THRB: variants seen among roughly 807,000 people sequenced by gnomAD.
THRB encodes the protein thyroid hormone receptor beta.
In THRB, 12 loss-of-function variants were observed where a neutral mutation model predicts 47.8. The observed-to-expected ratio is 0.25, with a 90% CI of 0.16 to 0.41. The LOEUF (loss-of-function observed/expected upper bound fraction) is 0.41, where lower values mean the gene tolerates loss of function less well. Among genes scored for constraint, THRB ranks in the 10% least tolerant of loss-of-function variants. THRB has a pLI of 1.00. For missense variants in THRB, 348 were observed against 589.2 expected (o/e 0.59, Z 4.24); for synonymous variants, 218 against 212.2 (o/e 1.03, Z -0.24).
At chr3:24,452,274 T>G (rs892989480) in intron 1 of THRB, among the ~76,000 whole-genome samples, 1 of 152,160 alleles carries the variant, frequency 6.6e-6, no homozygotes, top group East Asian at 1.9e-4. Flanking sequence ...ATTAAAATAA[T>G]ATTTGTTGTG....
At chr3:24,184,543 C>A (rs761593861) in intron 5 of THRB, among the ~76,000 whole-genome samples, 3 of 152,160 alleles carry the variant, frequency 2.0e-5, no homozygotes, top group Admixed American at 2.0e-4. Context: ...TTCTTCCCTC[C>A]AATCTCGTGA....
intron 1 of THRB, among the ~76,000 whole-genome samples, chr3:24,393,978 C>T (rs988561747): frequency 1.3e-5 from 2 of 152,124 alleles, no homozygotes; most frequent in Non-Finnish European, 2.9e-5. Flanking sequence ...GAGCTCCCAA[C>T]TTGGTCCAGG....
At chr3:24,468,944 T>C (rs534775632) in intron 1 of THRB, among the ~76,000 whole-genome samples, 3 of 152,322 alleles carry the variant, frequency 2.0e-5, no homozygotes, top group African/African-American at 7.2e-5. Context: ...ACATAGATCT[T>C]AATTTATTAA....
At chr3:24,419,337 A>C (rs2069028866) in intron 1 of THRB, among the ~76,000 whole-genome samples, 1 of 151,838 alleles carries the variant, frequency 6.6e-6, no homozygotes, top group South Asian at 2.1e-4. Flanking sequence ...TGGCCAAGCA[A>C]AGAACTTTCA....
At chr3:24,346,166 A>G (rs1268124416) in intron 1 of THRB, among the ~76,000 whole-genome samples, 1 of 152,136 alleles carries the variant, frequency 6.6e-6, no homozygotes, top group Non-Finnish European at 1.5e-5. Flanking sequence ...GATTTAAAAC[A>G]TAACTAGAAT....
At chr3:24,372,190 C>A (rs1478831129) in intron 1 of THRB, among the ~76,000 whole-genome samples, 1 of 152,060 alleles carries the variant, frequency 6.6e-6, no homozygotes, top group Non-Finnish European at 1.5e-5. Context: ...AATCATTCTA[C>A]AATGGTGTGC....
chr3:24,181,438 T>C (rs564576886), intron 5 of THRB, among the ~76,000 whole-genome samples: 1 of 152,246 alleles, frequency 6.6e-6, no homozygotes, highest in Non-Finnish European at 1.5e-5. Context: ...TCCTATGTGT[T>C]TACTAAGTGC....
intron 1 of THRB, among the ~76,000 whole-genome samples, chr3:24,402,458 TG>T: frequency 6.6e-6 from 1 of 150,606 alleles, no homozygotes; most frequent in East Asian, 2.0e-4. Context: ...ACACTTAATT[TG>T]GGATGAGGTT....
chr3:24,292,457 G>A (rs545487300), intron 3 of THRB, among the ~76,000 whole-genome samples: 4 of 152,288 alleles, frequency 2.6e-5, no homozygotes, highest in East Asian at 1.9e-4. Flanking sequence ...ATGGTGGCAA[G>A]GCTCTGAACT....
intron 4 of THRB, among the ~76,000 whole-genome samples, chr3:24,195,180 G>A (rs539709389): frequency 5.9e-5 from 9 of 151,990 alleles, no homozygotes; most frequent in East Asian, 1.9e-4. Flanking sequence ...TTTTAGAATC[G>A]TGCAGGACAG....
At chr3:24,315,597 A>G (rs1029878963) in intron 2 of THRB, among the ~76,000 whole-genome samples, 9 of 152,188 alleles carry the variant, frequency 5.9e-5, no homozygotes, top group African/African-American at 2.2e-4. Flanking sequence ...GTATTGCAGC[A>G]GGAAGATGAG....
intron 5 of THRB, among the ~76,000 whole-genome samples, chr3:24,160,614 T>G (rs368589613): frequency 6.6e-6 from 1 of 152,230 alleles, no homozygotes. Flanking sequence ...AAGGTCAGCA[T>G]TCCCAATGCT....
chr3:24,362,858 G>A (rs2149666398), intron 1 of THRB, among the ~76,000 whole-genome samples: 1 of 152,252 alleles, frequency 6.6e-6, no homozygotes, highest in African/African-American at 2.4e-5. Context: ...ATCAAGACAT[G>A]TATAATAACA....
At chr3:24,218,654 T>A (rs1180462610) in intron 4 of THRB, among the ~76,000 whole-genome samples, 1 of 152,128 alleles carries the variant, frequency 6.6e-6, no homozygotes, top group Non-Finnish European at 1.5e-5. Context: ...ATGGCTGTTG[T>A]ATGTTGTGCC....
At chr3:24,391,408 T>C (rs1218347104) in intron 1 of THRB, among the ~76,000 whole-genome samples, 1 of 152,170 alleles carries the variant, frequency 6.6e-6, no homozygotes, top group Non-Finnish European at 1.5e-5. Context: ...TCCTACATCA[T>C]CATCTCATAA....
At chr3:24,279,083 A>G (rs926480543) in intron 3 of THRB, among the ~76,000 whole-genome samples, 3 of 152,086 alleles carry the variant, frequency 2.0e-5, no homozygotes, top group Admixed American at 2.0e-4. Flanking sequence ...GGCTTCAAGT[A>G]ATCCTCTTGT....
chr3:24,252,622 G>A (rs1562733), intron 3 of THRB, among the ~76,000 whole-genome samples: 19,022 of 150,526 alleles, frequency 0.13, 1,461 homozygotes, highest in South Asian at 0.19. Flanking sequence ...ACCATATCTC[G>A]AATGCCTATA....
At chr3:24,232,818 T>G (rs1425171708) in intron 3 of THRB, among the ~76,000 whole-genome samples, 1 of 152,180 alleles carries the variant, frequency 6.6e-6, no homozygotes. Context: ...ATTTAAGAGG[T>G]AGAAACAAGA....
In THRB at chr3:24,190,168, C is replaced by A; in HGVS notation, c.189G>T (p.Trp63Cys). Residue 63 changes from tryptophan (W) to cysteine (C), a missense_variant, in exon 5 of 11, where the codon TGG (tryptophan) becomes TGT (cysteine). Coordinates refer to ENST00000646209, the MANE Select transcript of THRB (RefSeq NM_001354712.2). ...GGTCCAGATGGAATATTGAGCTAGT[C>A]CAAGTGGTCTGGATGAGATGTGGCG... The part of the protein sequence containing the change: ...QSSPHLIQTT[W>C]TSSIFHLDHD... The A allele has an allele frequency of 6.2e-7, 1 of 1,614,096 alleles. No individual in the cohort carries two copies. Among genetic ancestry groups the A allele is most frequent in the East Asian group, 2.2e-5 (1 of 44,874 alleles).
Sources: gnomAD v4.1 joint callset for allele counts (sites outside exome capture counted in the v4.1 genomes callset) on GRCh38, gnomAD v4.1.1 for gene constraint, MANE v1.5 for transcripts, NCBI Gene and HGNC (gene_info 2026-07-23, HGNC 2026-07-21) for gene names.